PLXNA2: variants seen among roughly 807,000 people sequenced by gnomAD.
The protein encoded by PLXNA2 is plexin A2, also known as plexin-A2.
PLXNA2 carries 91 observed loss-of-function variants against 193.5 expected under a neutral mutation model. The ratio of observed to expected loss-of-function variants is 0.47; its 90% CI spans 0.40 to 0.56. The LOEUF (loss-of-function observed/expected upper bound fraction) is 0.56. Ranked by LOEUF, PLXNA2 falls within the 20% of genes least tolerant of loss-of-function variation. PLXNA2 has a pLI of 0.00. For missense variants in PLXNA2, 1,995 were observed against 2,503.2 expected (o/e 0.80, Z 4.33); for synonymous variants, 997 against 1,027.3 (o/e 0.97, Z 0.56).
intron 3 of PLXNA2, among the ~76,000 whole-genome samples, chr1:208,162,115 C>T (rs949806257): frequency 2.6e-5 from 4 of 152,174 alleles, no homozygotes; most frequent in Non-Finnish European, 4.4e-5. Flanking sequence ...ACACGCAGCA[C>T]CCTGTGTAGA....
intron 2 of PLXNA2, among the ~76,000 whole-genome samples, chr1:208,215,027 T>G (rs74447843): frequency 6.6e-6 from 1 of 152,012 alleles, no homozygotes; most frequent in African/African-American, 2.4e-5. Context: ...TCTTTTTTTT[T>G]TCTGAGACAG....
At chr1:208,099,072 G>C (rs1395698122) in intron 5 of PLXNA2, 103 bp from the exon 6 acceptor site, 11 of 1,414,542 alleles carry the variant, frequency 7.8e-6, no homozygotes, top group African/African-American at 1.4e-5. Context: ...TGAGGCCTGT[G>C]TCCTGTCTTC....
At chr1:208,080,242 C>T (rs867053900) in intron 11 of PLXNA2, among the ~76,000 whole-genome samples, 1 of 152,068 alleles carries the variant, frequency 6.6e-6, no homozygotes. Flanking sequence ...TGTTCCCAGC[C>T]CTTATGAATG....
chr1:208,056,088 T>C (rs1359466315), intron 13 of PLXNA2, among the ~76,000 whole-genome samples: 1 of 152,262 alleles, frequency 6.6e-6, no homozygotes, highest in Non-Finnish European at 1.5e-5. Context: ...TTTAAGGTAC[T>C]GTGTGGTTAT....
chr1:208,208,669 G>A (rs1337436647), intron 3 of PLXNA2, among the ~76,000 whole-genome samples: 3 of 152,176 alleles, frequency 2.0e-5, no homozygotes, highest in Non-Finnish European at 2.9e-5. Flanking sequence ...AGGTGCTCAC[G>A]CTAGCCTGTG....
At chr1:208,209,980 G>GC (rs1391908079) in intron 3 of PLXNA2, 2 of 88,516 alleles carry the variant, frequency 2.3e-5, no homozygotes, top group Non-Finnish European at 4.1e-5. Context: ...GGAATGAAGA[G>GC]CAATTTTTTT....
At chr1:208,211,620 G>A (rs961485934) in intron 2 of PLXNA2, among the ~76,000 whole-genome samples, 7 of 151,844 alleles carry the variant, frequency 4.6e-5, no homozygotes, top group African/African-American at 1.7e-4. Context: ...CTGAACCCAG[G>A]AGGCGGAGGT....
intron 3 of PLXNA2, among the ~76,000 whole-genome samples, chr1:208,198,900 G>T (rs903391373): frequency 6.6e-6 from 1 of 152,210 alleles, no homozygotes. Flanking sequence ...ACTTAGTTTT[G>T]TTGAGCCTCA....
At chr1:208,232,838 A>T (rs1671730297) in intron 1 of PLXNA2, among the ~76,000 whole-genome samples, 1 of 152,052 alleles carries the variant, frequency 6.6e-6, no homozygotes, top group African/African-American at 2.4e-5. Flanking sequence ...AACTTTACTT[A>T]CTTTGGAATT....
intron 4 of PLXNA2, among the ~76,000 whole-genome samples, chr1:208,121,643 A>G (rs1667810363): frequency 6.6e-6 from 1 of 152,176 alleles, no homozygotes; most frequent in African/African-American, 2.4e-5. Flanking sequence ...AGGCCTCCCC[A>G]GTCATGCAGA....
chr1:208,076,057 CAAA>C (rs750601110), intron 12 of PLXNA2, among the ~76,000 whole-genome samples: 7 of 59,296 alleles, frequency 1.2e-4, no homozygotes, highest in Non-Finnish European at 1.8e-4. Context: ...GACCCTGTCT[CAAA>C]AAAAAAAAAA....
chr1:208,150,817 G>C (rs755739132), intron 3 of PLXNA2, among the ~76,000 whole-genome samples: 4 of 152,164 alleles, frequency 2.6e-5, no homozygotes, highest in Non-Finnish European at 4.4e-5. Context: ...CTCTCCCTTT[G>C]CTACTCATGA....
chr1:208,175,884 C>G (rs939186484), intron 3 of PLXNA2, among the ~76,000 whole-genome samples: 1 of 152,128 alleles, frequency 6.6e-6, no homozygotes, highest in African/African-American at 2.4e-5. Flanking sequence ...TAGGGACTCA[C>G]TAGGATGGTT....
chr1:208,108,565 T>C (rs1041326196), intron 4 of PLXNA2, among the ~76,000 whole-genome samples: 2 of 152,160 alleles, frequency 1.3e-5, no homozygotes, highest in African/African-American at 4.8e-5. Flanking sequence ...GGTTCTGAGC[T>C]CTTCTATGGC....
intron 3 of PLXNA2, among the ~76,000 whole-genome samples, chr1:208,142,817 A>T (rs917606287): frequency 3.3e-5 from 5 of 152,188 alleles, no homozygotes; most frequent in Non-Finnish European, 4.4e-5. Context: ...GCTTATGCAC[A>T]CTCCTTCATG....
chr1:208,042,232 GC>G lies in PLXNA2; in HGVS notation c.4151del (p.Gly1384AlafsTer8), dbSNP rs1472435437. 1 of 1,614,114 alleles carries G rather than the reference GC, an allele frequency of 6.2e-7. No homozygotes were observed. Among genetic ancestry groups the G allele is most frequent in the Non-Finnish European group, 8.5e-7 (1 of 1,180,038 alleles). The stretch of plus-strand genomic sequence containing the variant: ...CGGTCATGATGAGCGAAGCCACGTT[GC>G]CCCGGTCGCGCATGGAGAAACTGCG... Reference protein sequence around the residue: ...LQRSFSMRDRGNVASLIMTGL... With the variant: ...LQRSFSMRDRXNVASLIMTGL... On this transcript the variant is annotated frameshift_variant, in exon 22 of 32. Transcript: ENST00000367033. LOFTEE classifies it high-confidence loss of function.
At chr1:208,139,234 A>G (rs1034303890) in intron 4 of PLXNA2, among the ~76,000 whole-genome samples, 14 of 152,216 alleles carry the variant, frequency 9.2e-5, no homozygotes, top group Admixed American at 7.9e-4. Context: ...TATAATCTCC[A>G]TCTTTACAGA....
rs17011880 is a variant in PLXNA2, at chr1:208,079,263, G to C, written c.2583C>G (p.Thr861=). The C allele has an allele frequency of 6.2e-7, 1 of 1,601,650 alleles. No homozygotes were observed. Among genetic ancestry groups the C allele is most frequent in the South Asian group, 1.1e-5 (1 of 90,764 alleles). Residue 861 remains threonine, a synonymous_variant, in exon 12 of 32, where the codon ACC becomes ACG. Coordinates refer to ENST00000367033, the MANE Select transcript of PLXNA2 (RefSeq NM_025179.4). ...TCTAGAGACTTGCAGGACTTACCTC[G>C]GTGATTTGAGGGTTGGAGCACTTGA... ...HNVKCSNPQI[T]EILTVSGPPE...
intron 2 of PLXNA2, among the ~76,000 whole-genome samples, chr1:208,210,733 C>T (rs184838971): frequency 2.0e-5 from 3 of 152,234 alleles, no homozygotes; most frequent in Admixed American, 2.0e-4. Context: ...GCCAGGAGAA[C>T]CAGGATCAAT....
Sources: allele counts gnomAD v4.1 joint callset (sites outside exome capture counted in the v4.1 genomes callset), GRCh38; gene constraint gnomAD v4.1.1; transcripts MANE v1.5; gene names NCBI Gene and HGNC (gene_info 2026-07-23, HGNC 2026-07-21).